Variants in CAPN2 observed in about 807,000 individuals in gnomAD.
CAPN2 encodes calpain 2, also known as calpain-2 catalytic subunit.
A neutral mutation model predicts 102.3 loss-of-function variants in CAPN2; 92 were observed. That is an observed-to-expected ratio of 0.90 (90% CI 0.76 to 1.07). The LOEUF (loss-of-function observed/expected upper bound fraction) is 1.07, where lower values mean the gene tolerates loss of function less well. Ranked by LOEUF, CAPN2 falls within the 50% of genes least tolerant of loss-of-function variation. CAPN2 has a pLI of 0.00. For missense variants in CAPN2, 800 were observed against 909.4 expected (o/e 0.88, Z 1.55); for synonymous variants, 340 against 355.4 (o/e 0.96, Z 0.49).
At chr1:223,752,716 C>G (rs1378220596) in intron 8 of CAPN2, 80 bp from the exon 9 acceptor site, 1 of 1,437,324 alleles carries the variant, frequency 7.0e-7, no homozygotes. Flanking sequence ...TGGGTGGCTC[C>G]TGGTCTGGTG....
In CAPN2 at chr1:223,772,199, A is replaced by G. The variant is rs1248307831; in HGVS notation, c.2039A>G (p.Asp680Gly). The change falls in exon 20 of 21, where the codon GAT becomes GGT. Residue 680 changes from aspartate (D) to glycine (G), a missense_variant. Physicochemically the swap from Asp to Gly is moderately conservative, Grantham distance 94. Coordinates refer to ENST00000295006, the MANE Select transcript of CAPN2 (RefSeq NM_001748.5). ...TCCACAGAGATATTTAAGCAGCTGG[A>G]TCCCGAGAATACTGGAACAATAGAG... ...ETLFKIFKQL[D>G]PENTGTIELD... 8.1e-6 allele frequency: 13 copies of G among 1,614,008 alleles called. No individual in the cohort carries two copies. The highest frequency in any genetic ancestry group is 8.0e-5 in the African/African-American group (6 of 74,912).
intron 2 of CAPN2, among the ~76,000 whole-genome samples, chr1:223,743,631 TAGCTGGG>T (rs969206785): frequency 6.6e-6 from 1 of 152,136 alleles, no homozygotes; most frequent in Admixed American, 6.5e-5. Context: ...ATTCGTATTA[TAGCTGGG>T]ACTCCAGGTG....
chr1:223,751,925 C>T, intron 7 of CAPN2, 72 bp from the exon 8 acceptor site: 2 of 1,004,282 alleles, frequency 2.0e-6, no homozygotes, highest in Non-Finnish European at 3.1e-6. Flanking sequence ...AGATGTCCCT[C>T]TTCCTCAACT....
rs1429404258 is a variant in CAPN2, at chr1:223,741,421, GTATATATATATATAATGTGTATATATATA to G, written c.308-2664_308-2636del. On this transcript the variant is annotated intron_variant, in intron 2 of 20. Transcript: ENST00000295006. The stretch of plus-strand genomic sequence containing the variant: ...CTTTTTGAATCTTTGGCTGTAAAAT[GTATATATATATATAATGTGTATATATATA>G]TATATATATATATATATATTTGAGA... Among the ~76,000 whole-genome samples the G allele has an allele frequency of 7.0e-5, 9 of 128,498 alleles. 1 individual carries two copies. Among genetic ancestry groups the G allele is most frequent in the African/African-American group, 2.8e-4 (9 of 31,584 alleles). The allele number at this position is 128,498 out of a possible 152,430, so 84.3% of individuals were successfully genotyped here.
chr1:223,746,821 C>G (rs1485185168), intron 4 of CAPN2, among the ~76,000 whole-genome samples, 176 bp from the exon 5 acceptor site: 1 of 152,118 alleles, frequency 6.6e-6, no homozygotes, highest in Non-Finnish European at 1.5e-5. Context: ...GAAATGGTAA[C>G]TGTGGACATT....
chr1:223,737,711 G>GC lies in CAPN2; in HGVS notation c.308-6389_308-6388insC, dbSNP rs1558066451. On this transcript the variant is annotated intron_variant, in intron 2 of 20. Transcript: ENST00000295006. ...GCCTGACCAAAAGAGACGGGGCGGG[G>GC]GGTGGGGGGGAGAGAATACAATAAC... is the stretch of plus-strand genomic sequence containing the variant. Among the ~76,000 whole-genome samples, 45 of 30,836 alleles carry GC rather than the reference G, an allele frequency of 1.5e-3. 7 individuals are homozygous for GC. The highest frequency in any genetic ancestry group is 1.7e-3 in the Non-Finnish European group (16 of 9,648). 20.2% of individuals were successfully genotyped at this position (30,836 alleles called of 152,430 possible).
chr1:223,744,562 T>C (rs1660705082), intron 3 of CAPN2, among the ~76,000 whole-genome samples: 1 of 152,026 alleles, frequency 6.6e-6, no homozygotes, highest in South Asian at 2.1e-4. Context: ...AAATGAGAAA[T>C]AATACTTGAA....
intron 3 of CAPN2, 107 bp downstream of exon 3, chr1:223,744,325 G>A (rs902881968): frequency 1.5e-5 from 11 of 755,698 alleles, no homozygotes; most frequent in African/African-American, 1.0e-4. Flanking sequence ...AGACTCCCAA[G>A]ACCAATACTG....
intron 2 of CAPN2, among the ~76,000 whole-genome samples, chr1:223,720,315 C>CTCTCTT (rs564518898): frequency 2.4e-4 from 26 of 107,492 alleles, no homozygotes; most frequent in Admixed American, 3.7e-4. Context: ...CTCTTTCTCT[C>CTCTCTT]TTTTTTTTTT....
intron 7 of CAPN2, 54 bp downstream of exon 7, chr1:223,751,029 G>T: frequency 7.2e-7 from 1 of 1,382,300 alleles, no homozygotes; most frequent in Non-Finnish European, 1.0e-6. Context: ...GTGCTGGGAG[G>T]CTCTGGGAAG....
At chr1:223,733,113 C>G (rs12568693) in intron 2 of CAPN2, among the ~76,000 whole-genome samples, 1 of 152,172 alleles carries the variant, frequency 6.6e-6, no homozygotes, top group Non-Finnish European at 1.5e-5. Context: ...CCACACACCT[C>G]CTGTCCTGCA....
At chr1:223,719,291 C>T (rs908857568) in intron 2 of CAPN2, among the ~76,000 whole-genome samples, 1 of 152,134 alleles carries the variant, frequency 6.6e-6, no homozygotes, top group African/African-American at 2.4e-5. Context: ...AATCCCAGCA[C>T]TTTGGGAGGC....
intron 5 of CAPN2, among the ~76,000 whole-genome samples, chr1:223,748,647 C>T (rs1660808815): frequency 6.6e-6 from 1 of 152,120 alleles, no homozygotes; most frequent in Admixed American, 6.5e-5. Flanking sequence ...CCTGCGCCAT[C>T]GAGGACCCCC....
At chr1:223,723,461 C>G (rs1660107877) in intron 2 of CAPN2, among the ~76,000 whole-genome samples, 2 of 152,010 alleles carry the variant, frequency 1.3e-5, no homozygotes, top group African/African-American at 2.4e-5. Flanking sequence ...GTCCCAGCAC[C>G]CCCCTTACCA....
At chr1:223,761,677 G>A (rs1469830026) in intron 13 of CAPN2, 60 bp downstream of exon 13, 5 of 1,394,854 alleles carry the variant, frequency 3.6e-6, no homozygotes, top group Admixed American at 1.9e-5. Flanking sequence ...GAGCAGAGGA[G>A]CAAAAAAACT....
At chr1:223,737,707 C>T (rs1231900) in intron 2 of CAPN2, among the ~76,000 whole-genome samples, 50,896 of 58,198 alleles carry the variant, frequency 0.87, 22,101 homozygotes, top group East Asian at 0.95. Flanking sequence ...AGAGACGGGG[C>T]GGGGGGTGGG....
Position 223,747,023 on chromosome 1 carries a change from C to T in CAPN2, c.587C>T (p.Ser196Leu). The T allele has an allele frequency of 6.2e-7, 1 of 1,613,938 alleles. No individual in the cohort carries two copies. Among genetic ancestry groups the T allele is most frequent in the Non-Finnish European group, 8.5e-7 (1 of 1,179,872 alleles). The change falls in exon 5 of 21, where the codon TCA (serine) becomes TTA (leucine). Residue 196 changes from serine to leucine, a missense_variant. By Grantham distance (145) the Ser-to-Leu change is moderately radical. Transcript: ENST00000295006. ...ATCAACGGATGCTATGAAGCGCTATCAGGGGGTGCCACCACTGAGGGCTTC... is the reference window on the plus strand; with the variant it reads ...ATCAACGGATGCTATGAAGCGCTATTAGGGGGTGCCACCACTGAGGGCTTC... ...AKINGCYEAL[S>L]GGATTEGFED...
upstream of CAPN2, among the ~76,000 whole-genome samples, chr1:223,707,622 C>CA (rs971628475): frequency 2.0e-5 from 3 of 152,198 alleles, no homozygotes; most frequent in Non-Finnish European, 4.4e-5. Flanking sequence ...ATTTGGGTGG[C>CA]ATAGGACAGC....
intron 1 of CAPN2, among the ~76,000 whole-genome samples, chr1:223,716,988 G>C (rs1659891945): frequency 6.6e-6 from 1 of 152,106 alleles, no homozygotes; most frequent in Non-Finnish European, 1.5e-5. Flanking sequence ...GTTAACTTTG[G>C]ACACGTCACT....
Sources: gnomAD v4.1 joint callset for allele counts (sites outside exome capture counted in the v4.1 genomes callset) on GRCh38, gnomAD v4.1.1 for gene constraint, MANE v1.5 for transcripts, NCBI Gene and HGNC (gene_info 2026-07-23, HGNC 2026-07-21) for gene names.